The following PRIM2 variants were observed in gnomAD, a reference collection of about 807,000 sequenced individuals.
PRIM2 encodes the protein DNA primase large subunit.
A neutral mutation model predicts 67.3 loss-of-function variants in PRIM2; 39 were observed. The observed-to-expected ratio is 0.58, with a 90% CI of 0.45 to 0.76. PRIM2 has a LOEUF of 0.76. PRIM2 is among the 30% of genes least tolerant of loss of function. PRIM2 has a pLI of 0.00. For missense variants in PRIM2, 398 were observed against 598.7 expected (o/e 0.66, Z 3.50); for synonymous variants, 143 against 198.7 (o/e 0.72, Z 2.36).
intron 13 of PRIM2, among the ~76,000 whole-genome samples, chr6:57,642,109 T>C (rs1215263096): frequency 6.6e-6 from 1 of 152,182 alleles, no homozygotes; most frequent in Non-Finnish European, 1.5e-5. Flanking sequence ...GAAACCATCA[T>C]TCTCAGCAAA....
chr6:57,339,487 G>C (rs1279516317), intron 5 of PRIM2, among the ~76,000 whole-genome samples: 1 of 152,016 alleles, frequency 6.6e-6, no homozygotes, highest in Non-Finnish European at 1.5e-5. Context: ...AAAACAGCAT[G>C]GTACTGGTAC....
chr6:57,340,397 A>G (rs1226640819), intron 5 of PRIM2, among the ~76,000 whole-genome samples: 1 of 152,158 alleles, frequency 6.6e-6, no homozygotes, highest in Non-Finnish European at 1.5e-5. Flanking sequence ...CTATAAAGAC[A>G]CATGCACACA....
chr6:57,548,990 T>A (rs1370595128), intron 10 of PRIM2, among the ~76,000 whole-genome samples: 59,736 of 151,848 alleles, frequency 0.39, 12,033 homozygotes, highest in East Asian at 0.67. Flanking sequence ...TATGCTAGGC[T>A]CTATAACTAA....
upstream of PRIM2, among the ~76,000 whole-genome samples, chr6:57,317,175 A>C (rs1767505957): frequency 6.6e-6 from 1 of 152,184 alleles, no homozygotes; most frequent in South Asian, 2.1e-4. Context: ...GAGCGGAAAA[A>C]AAAGAGCCCC....
intron 8 of PRIM2, among the ~76,000 whole-genome samples, chr6:57,512,478 G>A (rs1774391527): frequency 6.6e-6 from 1 of 152,122 alleles, no homozygotes; most frequent in Admixed American, 6.5e-5. Context: ...TAGCTTTTTG[G>A]TGCATACTCA....
chr6:57,244,023 A>C, the PRIM2 span, among the ~76,000 whole-genome samples: 2 of 152,248 alleles, frequency 1.3e-5, no homozygotes, highest in Non-Finnish European at 2.9e-5. Context: ...ACGAGGAAGC[A>C]GTCACATATT....
chr6:57,539,654 GTGTATATA>G (rs1409484306), intron 10 of PRIM2, among the ~76,000 whole-genome samples: 2,465 of 55,838 alleles, frequency 0.044, 30 homozygotes, highest in African/African-American at 0.11. Context: ...GTGTGTGTGT[GTGTATATA>G]TATATATATA....
chr6:57,443,546 G>A (rs540123235), intron 7 of PRIM2, among the ~76,000 whole-genome samples: 234 of 152,170 alleles, frequency 1.5e-3, no homozygotes, highest in Non-Finnish European at 2.2e-3. Context: ...GGCCATTTGC[G>A]TGTCTGCTCT....
At chr6:57,555,257 G>A (rs1775488811) in intron 10 of PRIM2, among the ~76,000 whole-genome samples, 1 of 152,116 alleles carries the variant, frequency 6.6e-6, no homozygotes, top group South Asian at 2.1e-4. Flanking sequence ...CCTGCAGTAT[G>A]TCTGGCACTT....
chr6:57,600,506 T>C (rs1244403286), intron 10 of PRIM2, among the ~76,000 whole-genome samples: 1 of 152,048 alleles, frequency 6.6e-6, no homozygotes, highest in African/African-American at 2.4e-5. Flanking sequence ...GACAGGTGCA[T>C]GCCACCACAC....
At chr6:57,422,158 C>CTTTTGTTTTTTTT in intron 7 of PRIM2, among the ~76,000 whole-genome samples, 1 of 103,326 alleles carries the variant, frequency 9.7e-6, no homozygotes, top group Non-Finnish European at 1.9e-5. Context: ...TCTTTTCTTT[C>CTTTTGTTTTTTTT]TTTTTTTTTT....
intron 8 of PRIM2, among the ~76,000 whole-genome samples, chr6:57,519,189 C>CCACAGGA (rs1774554602): frequency 6.6e-6 from 1 of 152,162 alleles, no homozygotes; most frequent in Non-Finnish European, 1.5e-5. Flanking sequence ...GATCACAGGA[C>CCACAGGA]CACAGGACCG....
intron 5 of PRIM2, among the ~76,000 whole-genome samples, chr6:57,369,242 A>G (rs1379023217): frequency 1.3e-5 from 2 of 152,214 alleles, no homozygotes; most frequent in African/African-American, 2.4e-5. Context: ...CAGGATTTCA[A>G]CAGAGTGAAA....
chr6:57,550,760 C>G (rs1775385272), intron 10 of PRIM2, among the ~76,000 whole-genome samples: 1 of 151,950 alleles, frequency 6.6e-6, no homozygotes. Context: ...ATGTGGTACT[C>G]TTAGGGGAAA....
chr6:57,274,614 C>T, the PRIM2 span, among the ~76,000 whole-genome samples: 8 of 152,372 alleles, frequency 5.3e-5, no homozygotes, highest in South Asian at 8.3e-4. Context: ...GGCTCGTGCA[C>T]GGTGCGCTGC....
At chr6:57,512,648 A>G (rs1444444296) in intron 8 of PRIM2, among the ~76,000 whole-genome samples, 1 of 151,774 alleles carries the variant, frequency 6.6e-6, no homozygotes, top group Non-Finnish European at 1.5e-5. Context: ...CCCAGGCTGG[A>G]GTGCAATGGC....
At chr6:57,585,798 G>A (rs1468297609) in intron 10 of PRIM2, among the ~76,000 whole-genome samples, 2 of 152,146 alleles carry the variant, frequency 1.3e-5, no homozygotes, top group African/African-American at 4.8e-5. Context: ...GCCAAGGAGG[G>A]CATCTTGTCA....
At chr6:57,280,772 GC>G in the PRIM2 span, among the ~76,000 whole-genome samples, 3 of 152,016 alleles carry the variant, frequency 2.0e-5, no homozygotes. Context: ...CTCCCAAAGT[GC>G]TGGGATTACA....
intron 10 of PRIM2, among the ~76,000 whole-genome samples, chr6:57,548,993 A>G (rs1165979723): frequency 2.0e-5 from 3 of 152,164 alleles, no homozygotes; most frequent in African/African-American, 4.8e-5. Flanking sequence ...GCTAGGCTCT[A>G]TAACTAATAT....
Sources: gnomAD v4.1 joint callset for allele counts (sites outside exome capture counted in the v4.1 genomes callset) on GRCh38, gnomAD v4.1.1 for gene constraint, MANE v1.5 for transcripts, NCBI Gene and HGNC (gene_info 2026-07-23, HGNC 2026-07-21) for gene names.